Variants in RINT1 observed in about 807,000 individuals in gnomAD.
The protein encoded by RINT1 is RAD50-interacting protein 1.
In RINT1, 75 loss-of-function variants were observed where a neutral mutation model predicts 97.7. The observed-to-expected ratio is 0.77, with a 90% CI of 0.64 to 0.93. The LOEUF (loss-of-function observed/expected upper bound fraction) is 0.93. Ranked by LOEUF, RINT1 falls within the 40% of genes least tolerant of loss-of-function variation. The pLI, the probability that RINT1 is intolerant of heterozygous loss-of-function variation, is 0.00. For synonymous variants in RINT1, 303 were observed against 326.3 expected (o/e 0.93, Z 0.77); for missense variants, 892 against 925.2 (o/e 0.96, Z 0.47).
intron 2 of RINT1, among the ~76,000 whole-genome samples, chr7:105,534,219 G>A (rs1315540086): frequency 6.6e-6 from 1 of 151,970 alleles, no homozygotes; most frequent in East Asian, 1.9e-4. Flanking sequence ...ACTGGTGCCC[G>A]CCAAACACCC....
At chr7:105,548,266 C>T (rs894473888) in intron 6 of RINT1, among the ~76,000 whole-genome samples, 19 of 151,662 alleles carry the variant, frequency 1.3e-4, no homozygotes, top group Non-Finnish European at 2.5e-4. Context: ...TGTGAAGTGG[C>T]CCAAGTGATT....
rs995610383 is a variant in RINT1 at position 105,547,321 on chromosome 7, A to G, written c.827A>G (p.Lys276Arg). The G allele has an allele frequency of 6.2e-7, 1 of 1,614,012 alleles. No individual in the cohort carries two copies. The highest frequency in any genetic ancestry group is 1.3e-5 in the African/African-American group (1 of 74,932). Residue 276 changes from lysine to arginine, a missense_variant, in exon 6 of 15, where the codon AAA (lysine) becomes AGA (arginine). Transcript: ENST00000257700. ...GAGACACTGTTTTGTCAGCTTTTGAAACTACAAACCTCGTATCTTTGTTGC... is the reference window on the plus strand; with the variant it reads ...GAGACACTGTTTTGTCAGCTTTTGAGACTACAAACCTCGTATCTTTGTTGC... The part of the protein sequence containing the change: ...YLETLFCQLL[K>R]LQTSDELLTE...
chr7:105,538,575 T>G (rs969481881), intron 3 of RINT1, among the ~76,000 whole-genome samples: 17 of 152,224 alleles, frequency 1.1e-4, no homozygotes, highest in Admixed American at 2.0e-4. Context: ...TGGCTGAGTC[T>G]TCAGCCCCAC....
At chr7:105,544,289 A>C (rs996450305) in intron 4 of RINT1, among the ~76,000 whole-genome samples, 28 of 152,146 alleles carry the variant, frequency 1.8e-4, no homozygotes, top group African/African-American at 2.4e-5. Flanking sequence ...GGGCAATGTT[A>C]ATAACTTTAT....
chr7:105,546,572 C>T (rs985437547), intron 4 of RINT1, among the ~76,000 whole-genome samples: 2 of 152,028 alleles, frequency 1.3e-5, no homozygotes, highest in Non-Finnish European at 2.9e-5. Flanking sequence ...CTGAGCAATC[C>T]GTTCTTTAAA....
In RINT1 at chr7:105,550,180, C is replaced by T; in HGVS notation, c.1107+15C>T. ...TAAACGCAAGGGTAAGAGACTCAGT[C>T]ATAAGTGTTTCTGTTTTAGAACTGT... is the stretch of plus-strand genomic sequence containing the variant. On this transcript the variant is annotated intron_variant, in intron 8 of 14. Transcript: ENST00000257700. 6.2e-7 allele frequency: 1 copy of T among 1,603,688 alleles called. No individual in the cohort carries two copies. Among genetic ancestry groups the T allele is most frequent in the South Asian group, 1.1e-5 (1 of 90,746 alleles).
At chr7:105,564,003 A>T in intron 12 of RINT1, 56 bp downstream of exon 12, 2 of 1,283,454 alleles carry the variant, frequency 1.6e-6, no homozygotes, top group East Asian at 4.7e-5. Context: ...GTTAAAGAAT[A>T]TGTGGTCAGA....
chr7:105,561,987 T>A (rs185159894), intron 11 of RINT1, among the ~76,000 whole-genome samples: 2 of 152,180 alleles, frequency 1.3e-5, no homozygotes, highest in East Asian at 1.9e-4. Context: ...ATATTGAAAA[T>A]ATATATATAG....
rs1181193642 is a variant in RINT1 at position 105,553,507 on chromosome 7, T to C, written c.1472-1521T>C. ...AGGCTGAGGTGGGCAGGTCACGAGG[T>C]CAGGAGATCGAGACCATCCTGGCTA... On this transcript the variant is annotated intron_variant, in intron 10 of 14. Transcript: ENST00000257700. Among the ~76,000 whole-genome samples the C allele has an allele frequency of 2.7e-5, 4 of 148,076 alleles. No individual in the cohort carries two copies. In the East Asian group the frequency reaches 8.5e-4, roughly 31 times the overall value.
chr7:105,559,444 G>A (rs1251648698), intron 11 of RINT1, among the ~76,000 whole-genome samples: 1 of 145,166 alleles, frequency 6.9e-6, no homozygotes, highest in African/African-American at 2.5e-5. Context: ...AGGAGGCTGA[G>A]ACAGGAGAAT....
chr7:105,543,343 A>C (rs558755174), intron 4 of RINT1, among the ~76,000 whole-genome samples: 1 of 152,170 alleles, frequency 6.6e-6, no homozygotes, highest in Non-Finnish European at 1.5e-5. Flanking sequence ...GTATAATTTG[A>C]ATATTTTTCA....
chr7:105,556,121 C>T (rs1791170790), intron 11 of RINT1, among the ~76,000 whole-genome samples: 1 of 150,306 alleles, frequency 6.7e-6, no homozygotes, highest in Admixed American at 6.7e-5. Flanking sequence ...GGCTGGAGTG[C>T]AATGGTGCGA....
At chr7:105,543,395 C>T (rs1349277825) in intron 4 of RINT1, among the ~76,000 whole-genome samples, 1 of 152,078 alleles carries the variant, frequency 6.6e-6, no homozygotes. Flanking sequence ...GGATGAATAA[C>T]AAGAGTTCTG....
At chr7:105,565,199 C>A (rs2133473909) in intron 12 of RINT1, 78 bp from the exon 13 acceptor site, 1 of 1,334,464 alleles carries the variant, frequency 7.5e-7, no homozygotes, top group Non-Finnish European at 1.0e-6. Flanking sequence ...CAGAACACTT[C>A]CTCAAATTTA....
intron 10 of RINT1, among the ~76,000 whole-genome samples, chr7:105,552,018 T>C (rs1049439484): frequency 6.6e-6 from 1 of 152,054 alleles, no homozygotes; most frequent in African/African-American, 2.4e-5. Flanking sequence ...CAGTGAGCCA[T>C]GATCACGCCA....
chr7:105,538,218 C>G (rs992206283), intron 3 of RINT1, among the ~76,000 whole-genome samples: 3 of 152,084 alleles, frequency 2.0e-5, no homozygotes, highest in Non-Finnish European at 2.9e-5. Context: ...GTTTCGATTC[C>G]TTGACCTCGT....
intron 3 of RINT1, among the ~76,000 whole-genome samples, chr7:105,537,006 C>CT (rs1011961367): frequency 1.3e-5 from 2 of 151,820 alleles, no homozygotes; most frequent in Non-Finnish European, 2.9e-5. Context: ...CATAGAGTGA[C>CT]TTTTTTTTCC....
intron 10 of RINT1, 23 bp downstream of exon 10, chr7:105,551,730 G>A (rs773868033): frequency 3.8e-6 from 6 of 1,569,008 alleles, no homozygotes; most frequent in Non-Finnish European, 5.2e-6. Context: ...TTTAAGATAT[G>A]ACTTTGTTTT....
In RINT1 at chr7:105,536,607, G is replaced by A. The variant is rs1189550467; in HGVS notation, c.131G>A (p.Ser44Asn). 3.1e-6 allele frequency: 5 copies of A among 1,606,978 alleles called. No homozygotes were observed. Among genetic ancestry groups the A allele is most frequent in the Non-Finnish European group, 4.2e-6 (5 of 1,177,312 alleles). ...VTVLIGSKQV[S>N]EGTDNGDLPS... ...GTTCTTATTGGAAGTAAACAAGTCA[G>A]TGAAGGTACAGATAATGGTGATCTC... The change falls in exon 3 of 15, where the codon AGT becomes AAT. Residue 44 changes from serine to asparagine, a missense_variant. Transcript: ENST00000257700.
Sources: allele counts gnomAD v4.1 joint callset (sites outside exome capture counted in the v4.1 genomes callset), GRCh38; gene constraint gnomAD v4.1.1; transcripts MANE v1.5; gene names NCBI Gene and HGNC (gene_info 2026-07-23, HGNC 2026-07-21).